The following EPHA3 variants were observed in gnomAD, a reference collection of about 807,000 sequenced individuals.
The protein encoded by EPHA3 is EPH receptor A3.
EPHA3 carries 42 observed loss-of-function variants against 107.1 expected under a neutral mutation model. The observed-to-expected ratio is 0.39, with a 90% CI of 0.31 to 0.51. The LOEUF (loss-of-function observed/expected upper bound fraction) is 0.51, where lower values mean the gene tolerates loss of function less well. Ranked by LOEUF, EPHA3 falls within the 20% of genes least tolerant of loss-of-function variation. EPHA3 has a pLI of 0.78. For missense variants in EPHA3, 1,183 were observed against 1,211.2 expected (o/e 0.98, Z 0.35); for synonymous variants, 461 against 424.8 (o/e 1.09, Z -1.05).
intron 2 of EPHA3, among the ~76,000 whole-genome samples, chr3:89,132,406 G>A (rs1451372242): frequency 6.6e-6 from 1 of 152,110 alleles, no homozygotes; most frequent in Non-Finnish European, 1.5e-5. Context: ...TATGGCTATG[G>A]CATAATTGTA....
chr3:89,212,616 A>G (rs1704130805), intron 3 of EPHA3, among the ~76,000 whole-genome samples: 1 of 150,924 alleles, frequency 6.6e-6, no homozygotes, highest in Admixed American at 6.6e-5. Context: ...GTTCTTTTTA[A>G]TCCAGCCTAA....
intron 2 of EPHA3, among the ~76,000 whole-genome samples, chr3:89,141,284 T>A (rs535262548): frequency 6.6e-6 from 1 of 151,674 alleles, no homozygotes; most frequent in Non-Finnish European, 1.5e-5. Flanking sequence ...GTTTACTCCA[T>A]GGACTTAGAC....
chr3:89,299,173 A>G (rs1706428044), intron 3 of EPHA3, among the ~76,000 whole-genome samples: 4 of 152,096 alleles, frequency 2.6e-5, no homozygotes, highest in Admixed American at 2.6e-4. Context: ...ATTTGTAATA[A>G]GATGGTGAAT....
chr3:89,340,406 A>G (rs1707492070), intron 3 of EPHA3, among the ~76,000 whole-genome samples: 1 of 152,216 alleles, frequency 6.6e-6, no homozygotes, highest in Non-Finnish European at 1.5e-5. Flanking sequence ...AGCTCATGAA[A>G]ATTATTTATC....
rs538352286 is a variant in EPHA3 at position 89,136,548 on chromosome 3, C to T, written c.153+9275C>T. On this transcript the variant is annotated intron_variant, in intron 2 of 16. Coordinates refer to ENST00000336596, the MANE Select transcript of EPHA3 (RefSeq NM_005233.6). ...TATGTCTCTTTATGAATTGTGTTCT[C>T]TTCATCAAAACAGTGTTTATGTTTT... 4.6e-5 allele frequency among the ~76,000 whole-genome samples: 7 copies of T among 151,478 alleles called. No individual in the cohort carries two copies. In the East Asian group the frequency reaches 1.2e-3, roughly 25 times the overall value.
intron 13 of EPHA3, among the ~76,000 whole-genome samples, chr3:89,441,659 T>A (rs1709789439): frequency 1.3e-5 from 2 of 152,082 alleles, no homozygotes; most frequent in Non-Finnish European, 2.9e-5. Flanking sequence ...AAAATAACAC[T>A]CATGCAATAT....
intron 3 of EPHA3, among the ~76,000 whole-genome samples, chr3:89,320,428 A>C (rs953729166): frequency 6.6e-6 from 1 of 152,026 alleles, no homozygotes; most frequent in African/African-American, 2.4e-5. Flanking sequence ...TGAGATAAGA[A>C]ACTAAAGGTG....
At chr3:89,132,707 CCAAT>C (rs562177903) in intron 2 of EPHA3, among the ~76,000 whole-genome samples, 1 of 152,058 alleles carries the variant, frequency 6.6e-6, no homozygotes, top group Non-Finnish European at 1.5e-5. Context: ...CACCCCATCT[CCAAT>C]CAATCAATCA....
intron 5 of EPHA3, among the ~76,000 whole-genome samples, chr3:89,350,601 C>G (rs1263499651): frequency 6.6e-6 from 1 of 150,934 alleles, no homozygotes; most frequent in Non-Finnish European, 1.5e-5. Flanking sequence ...TCGTCTGAAG[C>G]CTTCTTCTCT....
intron 3 of EPHA3, among the ~76,000 whole-genome samples, chr3:89,229,489 G>T (rs1704577421): frequency 6.6e-6 from 1 of 151,172 alleles, no homozygotes; most frequent in Admixed American, 6.6e-5. Context: ...GCTCATCTCA[G>T]TATGACATCA....
chr3:89,403,295 ACAGTATATAAAG>A (rs1708999773), intron 7 of EPHA3, among the ~76,000 whole-genome samples: 1 of 152,192 alleles, frequency 6.6e-6, no homozygotes, highest in Non-Finnish European at 1.5e-5. Context: ...TTTCTACATG[ACAGTATATAAAG>A]CAGTATGATA....
At chr3:89,385,708 T>A (rs1336439481) in intron 5 of EPHA3, among the ~76,000 whole-genome samples, 1 of 152,046 alleles carries the variant, frequency 6.6e-6, no homozygotes, top group Admixed American at 6.6e-5. Context: ...GGAAGCAACT[T>A]AGGAACTGGG....
chr3:89,187,298 CA>C (rs1174372751), intron 2 of EPHA3, among the ~76,000 whole-genome samples: 5 of 148,500 alleles, frequency 3.4e-5, no homozygotes, highest in Non-Finnish European at 7.4e-5. Flanking sequence ...TGAGTCTATA[CA>C]TTACCGATTT....
chr3:89,126,254 T>C (rs1704094963), intron 1 of EPHA3, among the ~76,000 whole-genome samples: 1 of 151,758 alleles, frequency 6.6e-6, no homozygotes, highest in African/African-American at 2.4e-5. Flanking sequence ...TAGTCAATCA[T>C]GGGATTGTTT....
intron 3 of EPHA3, among the ~76,000 whole-genome samples, chr3:89,219,210 T>C (rs6551406): frequency 0.94 from 143,325 of 151,988 alleles, 67,647 homozygotes; most frequent in Admixed American, 0.97. Context: ...GTTGCCCAGG[T>C]TAAAGTGCAG....
chr3:89,113,428 C>T (rs529887063), intron 1 of EPHA3, among the ~76,000 whole-genome samples: 2 of 117,912 alleles, frequency 1.7e-5, no homozygotes. Context: ...GAGGTTTTCT[C>T]CAGGAAAATC....
chr3:89,472,095 C>A (rs1710413841), intron 15 of EPHA3, among the ~76,000 whole-genome samples: 1 of 152,150 alleles, frequency 6.6e-6, no homozygotes, highest in Admixed American at 6.5e-5. Context: ...ATCATCAAAG[C>A]AGACAGCAAA....
At position 89,305,102 on chromosome 3, in the gene EPHA3, G is replaced by A. The variant is rs1189288174; in HGVS notation, c.815-35814G>A. On this transcript the variant is annotated intron_variant, in intron 3 of 16. Coordinates refer to ENST00000336596, the MANE Select transcript of EPHA3 (RefSeq NM_005233.6). Reference sequence around the variant, plus strand: ...TGATCCATGAATATCTCCTGCATTCGGAATTGTTCCTATTGTTAAGGAATT... The same window carrying A: ...TGATCCATGAATATCTCCTGCATTCAGAATTGTTCCTATTGTTAAGGAATT... Among the ~76,000 whole-genome samples the A allele has an allele frequency of 3.9e-5, 6 of 151,982 alleles. No homozygotes were observed. In the East Asian group the frequency reaches 5.8e-4, roughly 15 times the overall value.
chr3:89,355,871 T>C (rs565619956), intron 5 of EPHA3, among the ~76,000 whole-genome samples: 1 of 150,200 alleles, frequency 6.7e-6, no homozygotes, highest in Non-Finnish European at 1.5e-5. Flanking sequence ...TTAGGGTACA[T>C]GTGAACAATG....
Sources: gnomAD v4.1 joint callset for allele counts (sites outside exome capture counted in the v4.1 genomes callset) on GRCh38, gnomAD v4.1.1 for gene constraint, MANE v1.5 for transcripts, NCBI Gene and HGNC (gene_info 2026-07-23, HGNC 2026-07-21) for gene names.